Variants in MYO16 observed in about 807,000 individuals in gnomAD.
MYO16 encodes the protein myosin XVI, also known as unconventional myosin-XVI.
Under a neutral mutation model 205.3 loss-of-function variants are expected in MYO16, and 94 were observed. The ratio of observed to expected loss-of-function variants is 0.46; its 90% CI spans 0.39 to 0.54. The LOEUF (loss-of-function observed/expected upper bound fraction) is 0.54, where lower values mean the gene tolerates loss of function less well. Ranked by LOEUF, MYO16 falls within the 20% of genes least tolerant of loss-of-function variation. The pLI is 0.00. For missense variants in MYO16, 2,315 were observed against 2,387.5 expected (o/e 0.97, Z 0.63); for synonymous variants, 988 against 954.0 (o/e 1.04, Z -0.66).
the MYO16 span, among the ~76,000 whole-genome samples, chr13:108,571,932 T>C: frequency 2.6e-5 from 4 of 151,788 alleles, no homozygotes; most frequent in African/African-American, 4.8e-5. Flanking sequence ...TTTTCTTTTT[T>C]TTTTTTTAAA....
chr13:108,626,303 C>T (rs1879732781), upstream of MYO16, among the ~76,000 whole-genome samples: 1 of 152,102 alleles, frequency 6.6e-6, no homozygotes, highest in African/African-American at 2.4e-5. Context: ...AACAATAGTT[C>T]ATTGTAATAA....
At chr13:109,010,249 T>C (rs975197558) in intron 22 of MYO16, among the ~76,000 whole-genome samples, 1 of 152,048 alleles carries the variant, frequency 6.6e-6, no homozygotes, top group East Asian at 1.9e-4. Flanking sequence ...GAATTGGAGG[T>C]CATTAATCCC....
intron 7 of MYO16, among the ~76,000 whole-genome samples, chr13:108,817,626 TA>T (rs1566348467): frequency 6.6e-6 from 1 of 152,198 alleles, no homozygotes; most frequent in Non-Finnish European, 1.5e-5. Flanking sequence ...GTGCGCTTAT[TA>T]GTGTCCATTT....
rs376718026 is a variant in MYO16 at position 108,904,648 on chromosome 13, G to A, written c.1778-5355G>A. ...AATAAAGTATTTTGTAGGGCTATAC[G>A]GTTTTTGTTCATTATGAAAAAAAGT... On this transcript the variant is annotated intron_variant, in intron 15 of 34. Coordinates refer to ENST00000457511, the MANE Select transcript of MYO16 (RefSeq NM_001198950.3). Among the ~76,000 whole-genome samples the A allele has an allele frequency of 1.5e-4, 23 of 152,064 alleles. No individual in the cohort carries two copies. In the East Asian group the frequency reaches 3.1e-3, roughly 20 times the overall value.
chr13:108,883,561 T>G (rs894597165), intron 13 of MYO16, among the ~76,000 whole-genome samples: 2 of 152,202 alleles, frequency 1.3e-5, no homozygotes, highest in African/African-American at 4.8e-5. Context: ...TTTTATTTCT[T>G]TCCAAAGGTA....
chr13:108,771,684 G>A (rs765134306), intron 4 of MYO16, among the ~76,000 whole-genome samples: 1 of 152,090 alleles, frequency 6.6e-6, no homozygotes, highest in Non-Finnish European at 1.5e-5. Context: ...ATTACCAAGC[G>A]ATCTTTCTGT....
chr13:108,842,914 A>G (rs1434291564), intron 9 of MYO16, among the ~76,000 whole-genome samples: 3 of 152,212 alleles, frequency 2.0e-5, no homozygotes, highest in African/African-American at 7.2e-5. Flanking sequence ...AATATTATTC[A>G]GCTACCAAAA....
At chr13:109,074,137 T>C (rs1888013686) in intron 27 of MYO16, among the ~76,000 whole-genome samples, 1 of 152,218 alleles carries the variant, frequency 6.6e-6, no homozygotes, top group Admixed American at 6.5e-5. Flanking sequence ...GTAATTGACC[T>C]ACCTTCACCT....
At chr13:108,626,927 A>T (rs1364662835), upstream of MYO16, among the ~76,000 whole-genome samples, 1 of 146,606 alleles carries the variant, frequency 6.8e-6, no homozygotes, top group African/African-American at 2.5e-5. Context: ...ATATAGCTAT[A>T]TATAATATAT....
chr13:108,741,123 T>A (rs1157826882), intron 4 of MYO16, among the ~76,000 whole-genome samples: 1 of 152,072 alleles, frequency 6.6e-6, no homozygotes, highest in African/African-American at 2.4e-5. Context: ...TCTTACTCGG[T>A]GGGCTTCACC....
the MYO16 span, among the ~76,000 whole-genome samples, chr13:108,523,204 G>T: frequency 2.5e-3 from 386 of 152,262 alleles, 3 homozygotes; most frequent in African/African-American, 8.1e-3. Context: ...CATCTTGAGA[G>T]TTGAAGAGCA....
intron 12 of MYO16, among the ~76,000 whole-genome samples, chr13:108,869,261 T>A (rs976231667): frequency 9.2e-5 from 14 of 152,308 alleles, no homozygotes; most frequent in African/African-American, 3.1e-4. Context: ...TATTCATTTA[T>A]TAAGGTCTTT....
intron 16 of MYO16, among the ~76,000 whole-genome samples, chr13:108,919,451 G>A (rs1197139583): frequency 6.6e-6 from 1 of 152,238 alleles, no homozygotes; most frequent in Non-Finnish European, 1.5e-5. Flanking sequence ...AGGCGACAGA[G>A]ATGGCTGGGC....
At chr13:108,977,578 A>G (rs114554728) in intron 20 of MYO16, among the ~76,000 whole-genome samples, 2,909 of 152,218 alleles carry the variant, frequency 0.019, 104 homozygotes, top group African/African-American at 0.067. Flanking sequence ...CCGCAAGGTC[A>G]TCTTATATTT....
Position 109,141,445 on chromosome 13 carries a change from C to T in MYO16, c.5164+69C>T, listed in dbSNP as rs1877093702. ...GTGCTTGCGTGCACCTGTGTACATC[C>T]GTGTCTGCGCAGATGTGAAATAGTA... is the stretch of plus-strand genomic sequence containing the variant. On this transcript the variant is annotated intron_variant, in intron 32 of 34. Transcript: ENST00000457511. The surrounding 1 kb of genome is among the most constrained non-coding windows in gnomAD (Gnocchi z 4.1). The T allele has an allele frequency of 4.8e-6, 5 of 1,038,814 alleles. No homozygotes were observed. Among genetic ancestry groups the T allele is most frequent in the South Asian group, 2.0e-5 (1 of 49,864 alleles). The allele number at this position is 1,038,814 out of a possible 1,614,324, so 64.3% of individuals were successfully genotyped here.
At chr13:108,502,458 A>G in the MYO16 span, among the ~76,000 whole-genome samples, 1 of 152,200 alleles carries the variant, frequency 6.6e-6, no homozygotes, top group Non-Finnish European at 1.5e-5. Flanking sequence ...GATGTAGAAA[A>G]CAGTGAGTTT....
chr13:108,873,687 A>AC lies in MYO16; in HGVS notation c.1425+7446dup, dbSNP rs796559651. 2.3e-3 allele frequency among the ~76,000 whole-genome samples: 264 copies of AC among 117,226 alleles called. 1 individual carries two copies. Among genetic ancestry groups the AC allele is most frequent in the African/African-American group, 6.7e-3 (216 of 32,176 alleles). 76.9% of individuals were successfully genotyped at this position (117,226 alleles called of 152,430 possible). ...ACCAGGACAGGGTCCATGCCAACCAACAGGACAGGGTCCATGCCAACCAAC... is the reference window on the plus strand; with the variant it reads ...ACCAGGACAGGGTCCATGCCAACCAACCAGGACAGGGTCCATGCCAACCAAC... On this transcript the variant is annotated intron_variant, in intron 12 of 34. Coordinates refer to ENST00000457511, the MANE Select transcript of MYO16 (RefSeq NM_001198950.3).
rs190948117 is a variant in MYO16, at chr13:109,064,418, C to T, written c.3335+8823C>T. On this transcript the variant is annotated intron_variant, in intron 27 of 34. Coordinates refer to ENST00000457511, the MANE Select transcript of MYO16 (RefSeq NM_001198950.3). ...CAATAATGTTCTCTAATGTTGGTCT[C>T]ATTCTTCAGTTTATCAGATCTTTTA... Among the ~76,000 whole-genome samples the T allele has an allele frequency of 2.1e-3, 324 of 152,296 alleles. 2 individuals carry two copies. Among genetic ancestry groups the T allele is most frequent in the African/African-American group, 7.5e-3 (310 of 41,580 alleles).
chr13:108,935,884 T>A (rs980681967), intron 16 of MYO16, among the ~76,000 whole-genome samples: 1 of 151,990 alleles, frequency 6.6e-6, no homozygotes, highest in Non-Finnish European at 1.5e-5. Flanking sequence ...TCTATTGAGA[T>A]GATTATGTAA....
Sources: gnomAD v4.1 joint callset for allele counts (sites outside exome capture counted in the v4.1 genomes callset) on GRCh38, gnomAD v4.1.1 for gene constraint, Gnocchi (gnomAD v3.1) non-coding constraint, MANE v1.5 for transcripts, NCBI Gene and HGNC (gene_info 2026-07-23, HGNC 2026-07-21) for gene names.